The following ZNF141 variants were observed in gnomAD, a reference collection of about 807,000 sequenced individuals.
ZNF141 encodes the protein zinc finger protein 141.
Under a neutral mutation model 11.3 loss-of-function variants are expected in ZNF141, and 7 were observed. That is an observed-to-expected ratio of 0.62 (90% CI 0.35 to 1.16). The LOEUF (loss-of-function observed/expected upper bound fraction) is 1.16. Ranked by LOEUF, ZNF141 falls within the 50% of genes most tolerant of loss-of-function variation. ZNF141 has a pLI of 0.02. For synonymous variants in ZNF141, 183 were observed against 190.7 expected, an observed-to-expected ratio of 0.96 and a Z score of 0.33; for missense variants, 535 against 554.0, an observed-to-expected ratio of 0.97 and a Z score of 0.34.
Position 377,437 on chromosome 4 carries a change from G to C in ZNF141, c.*3575G>C, listed in dbSNP as rs138062727. Among the ~76,000 whole-genome samples, 843 of 152,260 alleles carry C rather than the reference G, an allele frequency of 5.5e-3. 12 individuals carry two copies. Among genetic ancestry groups the C allele is most frequent in the Non-Finnish European group, 5.7e-3 (385 of 68,014 alleles). On this transcript the variant is annotated 3_prime_UTR_variant, in exon 4 of 4. Transcript: ENST00000240499. ...AACCAACTCATTATGAATGTAAAGA[G>C]GATTTCTTTTCTTATTTTCTAATTA...
chr4:356,625 A>G (rs563843057), intron 3 of ZNF141, among the ~76,000 whole-genome samples: 30 of 152,250 alleles, frequency 2.0e-4, no homozygotes, highest in African/African-American at 6.7e-4. Context: ...GCCTCACTTA[A>G]TTTTATCACA....
chr4:373,887 T>C lies in ZNF141; in HGVS notation c.*25T>C, dbSNP rs1172727695. On this transcript the variant is annotated 3_prime_UTR_variant, in exon 4 of 4. Transcript: ENST00000240499. ...AGAGAAATCCTACAAATGTAAAGAA[T>C]GTGGCAAACCTTTGGATGATCCACA... 1.3e-6 allele frequency: 2 copies of C among 1,571,968 alleles called. No individual in the cohort carries two copies. Among genetic ancestry groups the C allele is most frequent in the African/African-American group, 1.4e-5 (1 of 73,106 alleles).
intron 3 of ZNF141, among the ~76,000 whole-genome samples, chr4:359,756 G>A (rs1412189174): frequency 6.6e-6 from 1 of 152,200 alleles, no homozygotes; most frequent in Non-Finnish European, 1.5e-5. Flanking sequence ...GAGCCAAGTT[G>A]TAGTGCCACG....
chr4:349,552 G>A (rs565969351), intron 3 of ZNF141, among the ~76,000 whole-genome samples: 4 of 152,238 alleles, frequency 2.6e-5, no homozygotes, highest in African/African-American at 7.2e-5. Flanking sequence ...CCCGGCTGTG[G>A]TCTCTGAAGC....
Position 383,960 on chromosome 4 carries a change from T to A in ZNF141, c.*10098T>A, listed in dbSNP as rs1435711782. On this transcript the variant is annotated 3_prime_UTR_variant, in exon 4 of 4. Coordinates refer to ENST00000240499, the MANE Select transcript of ZNF141 (RefSeq NM_003441.4). ...AGTGCTTTCTCACTTTAATAAAATC[T>A]TGCTTTTGCTATTCCCTTCCTGTTT... 6.6e-6 allele frequency: 1 copy of A among 152,312 alleles called. No homozygotes were observed. Among genetic ancestry groups the A allele is most frequent in the East Asian group, 1.9e-4 (1 of 5,196 alleles). 9.4% of individuals were successfully genotyped at this position (152,312 alleles called of 1,614,324 possible). A position where few individuals can be genotyped will look rare whatever the true frequency, so the allele number is the denominator to read the frequency against.
At chr4:363,917 C>T (rs1387453937) in intron 3 of ZNF141, among the ~76,000 whole-genome samples, 3 of 152,064 alleles carry the variant, frequency 2.0e-5, no homozygotes, top group Non-Finnish European at 4.4e-5. Context: ...TTGAATTTTG[C>T]CGAAGGCCTT....
chr4:351,359 G>A (rs1199318807), intron 3 of ZNF141, among the ~76,000 whole-genome samples: 3 of 151,104 alleles, frequency 2.0e-5, no homozygotes, highest in African/African-American at 7.3e-5. Context: ...TCAGCCTCCC[G>A]AGTAGCTGGG....
intron 3 of ZNF141, chr4:358,288 A>C (rs1353017556): frequency 2.7e-6 from 1 of 367,780 alleles, no homozygotes; most frequent in Non-Finnish European, 5.2e-6. Flanking sequence ...CCCGAGTTCA[A>C]GTGATTCTCC....
At chr4:358,820 C>T (rs1163510392) in intron 3 of ZNF141, among the ~76,000 whole-genome samples, 10 of 151,012 alleles carry the variant, frequency 6.6e-5, no homozygotes, top group African/African-American at 1.5e-4. Flanking sequence ...GTGATCCATC[C>T]GCCTCGGCCT....
chr4:351,072 T>C lies in ZNF141; in HGVS notation c.226+6642T>C, dbSNP rs116839538. Among the ~76,000 whole-genome samples, 588 of 151,730 alleles carry C rather than the reference T, an allele frequency of 3.9e-3. 5 individuals are homozygous for C. Among genetic ancestry groups the C allele is most frequent in the African/African-American group, 0.013 (544 of 41,342 alleles). On this transcript the variant is annotated intron_variant, in intron 3 of 3. Coordinates refer to ENST00000240499, the MANE Select transcript of ZNF141 (RefSeq NM_003441.4). Reference sequence around the variant, plus strand: ...CCTGAGATCTTATTTTTTAAAAGCATGTGGCACCTCCCCTCTCACTCTTGT... The same window carrying C: ...CCTGAGATCTTATTTTTTAAAAGCACGTGGCACCTCCCCTCTCACTCTTGT...
At chr4:353,425 T>C (rs2108698424) in intron 3 of ZNF141, among the ~76,000 whole-genome samples, 1 of 151,284 alleles carries the variant, frequency 6.6e-6, no homozygotes, top group East Asian at 1.9e-4. Context: ...GGTGGGTCTG[T>C]TGAAGAATGG....
Position 375,077 on chromosome 4 carries a change from C to T in ZNF141, c.*1215C>T, listed in dbSNP as rs538405322. ...ATGCTCATCTTTTTGCACATGATAT[C>T]CTTTATATTCGAGAAAAGTTATAGA... On this transcript the variant is annotated 3_prime_UTR_variant, in exon 4 of 4. Transcript: ENST00000240499. 1.3e-5 allele frequency: 2 copies of T among 152,106 alleles called. No homozygotes were observed. The highest frequency in any genetic ancestry group is 3.9e-4 in the East Asian group (2 of 5,188). The allele number at this position is 152,106 out of a possible 1,614,324, so 9.4% of individuals were successfully genotyped here. A position where few individuals can be genotyped will look rare whatever the true frequency, so the allele number is the denominator to read the frequency against.
intron 3 of ZNF141, among the ~76,000 whole-genome samples, chr4:365,921 A>G (rs1006618265): frequency 2.6e-5 from 4 of 152,206 alleles, no homozygotes; most frequent in Non-Finnish European, 5.9e-5. Flanking sequence ...TGTGTTCTTG[A>G]CATCTTTGTT....
rs117405395 is a variant in ZNF141, at chr4:348,588, G to A, written c.226+4158G>A. 7.8e-4 allele frequency among the ~76,000 whole-genome samples: 118 copies of A among 152,030 alleles called. 1 individual carries two copies. In the East Asian group the frequency reaches 0.013, roughly 16 times the overall value. On this transcript the variant is annotated intron_variant, in intron 3 of 3. Coordinates refer to ENST00000240499, the MANE Select transcript of ZNF141 (RefSeq NM_003441.4). The stretch of plus-strand genomic sequence containing the variant: ...AAACTAGCTAGGGGTGGTAGTGGGC[G>A]CTTGTAATCCCAGCTACTCGGGAAG...
At chr4:364,616 A>G (rs1446201050) in intron 3 of ZNF141, among the ~76,000 whole-genome samples, 2 of 152,026 alleles carry the variant, frequency 1.3e-5, no homozygotes, top group African/African-American at 4.8e-5. Context: ...CTCTTGCTAG[A>G]GTCCACTCCA....
intron 3 of ZNF141, among the ~76,000 whole-genome samples, chr4:362,845 T>C (rs1352401805): frequency 2.6e-5 from 4 of 152,254 alleles, no homozygotes; most frequent in African/African-American, 7.2e-5. Context: ...GGCTTAGGAT[T>C]GTCTTGGCAA....
intron 3 of ZNF141, among the ~76,000 whole-genome samples, chr4:357,681 C>A (rs1721906723): frequency 6.6e-6 from 1 of 151,044 alleles, no homozygotes; most frequent in African/African-American, 2.4e-5. Context: ...CCAAATGCTT[C>A]AGTCACTCTT....
Position 382,065 on chromosome 4 carries a change from C to T in ZNF141, c.*8203C>T, listed in dbSNP as rs1581638246. ...GGTTCACGCCATTCTCCTGCCTCAGCCTCCCAAGTAGCTGGGACTACAGGC... is the reference window on the plus strand; with the variant it reads ...GGTTCACGCCATTCTCCTGCCTCAGTCTCCCAAGTAGCTGGGACTACAGGC... On this transcript the variant is annotated 3_prime_UTR_variant, in exon 4 of 4. Coordinates refer to ENST00000240499, the MANE Select transcript of ZNF141 (RefSeq NM_003441.4). 6.6e-6 allele frequency among the ~76,000 whole-genome samples: 1 copy of T among 151,534 alleles called. No homozygotes were observed. Among genetic ancestry groups the T allele is most frequent in the South Asian group, 2.1e-4 (1 of 4,794 alleles).
chr4:364,160 G>A (rs1209354379), intron 3 of ZNF141, among the ~76,000 whole-genome samples: 1 of 152,022 alleles, frequency 6.6e-6, no homozygotes, highest in African/African-American at 2.4e-5. Flanking sequence ...CTCTTTTTTT[G>A]TTGTGTCTCT....
Sources: allele counts gnomAD v4.1 joint callset (sites outside exome capture counted in the v4.1 genomes callset), GRCh38; gene constraint gnomAD v4.1.1; transcripts MANE v1.5; gene names NCBI Gene and HGNC (gene_info 2026-07-23, HGNC 2026-07-21).